NID2: variants seen among roughly 807,000 people sequenced by gnomAD.
NID2 encodes the protein nidogen 2, also known as nidogen-2.
A neutral mutation model predicts 145.4 loss-of-function variants in NID2; 83 were observed. The observed-to-expected ratio is 0.57, with a 90% CI of 0.48 to 0.69. The LOEUF (loss-of-function observed/expected upper bound fraction) is 0.69, where lower values mean the gene tolerates loss of function less well. Ranked by LOEUF, NID2 falls within the 30% of genes least tolerant of loss-of-function variation. The pLI is 0.00. For synonymous variants in NID2, 739 were observed against 701.3 expected (o/e 1.05, Z -0.85); for missense variants, 1,807 against 1,765.7 (o/e 1.02, Z -0.42).
In NID2 at chr14:52,005,441, C is replaced by T; in HGVS notation, c.*45G>A. 1 of 1,545,208 alleles carries T rather than the reference C, an allele frequency of 6.5e-7. No individual in the cohort carries two copies. The highest frequency in any genetic ancestry group is 1.3e-5 in the South Asian group (1 of 77,174). ...TTTGCAGTCACTGTTCTTTAGGGTC[C>T]AGGTTCTGATTGTAAACTCCAAGTC... On this transcript the variant is annotated 3_prime_UTR_variant, in exon 22 of 22. Coordinates refer to ENST00000216286, the MANE Select transcript of NID2 (RefSeq NM_007361.4).
intron 14 of NID2, among the ~76,000 whole-genome samples, chr14:52,016,775 C>T (rs190534972): frequency 2.0e-5 from 3 of 152,308 alleles, no homozygotes; most frequent in Admixed American, 6.5e-5. Context: ...CATGTCACTC[C>T]GTTCAAAACC....
At chr14:52,034,439 CT>C (rs1211739934) in intron 9 of NID2, among the ~76,000 whole-genome samples, 2 of 152,216 alleles carry the variant, frequency 1.3e-5, no homozygotes, top group Non-Finnish European at 2.9e-5. Flanking sequence ...CTACAGCAAT[CT>C]TTCCCTTTCT....
intron 12 of NID2, among the ~76,000 whole-genome samples, chr14:52,026,027 G>A (rs932461983): frequency 1.3e-5 from 2 of 152,228 alleles, no homozygotes; most frequent in African/African-American, 4.8e-5. Context: ...CAAGTGGAAA[G>A]AGTAAGAATG....
At chr14:52,034,792 G>A (rs1227216864) in intron 9 of NID2, among the ~76,000 whole-genome samples, 1 of 152,162 alleles carries the variant, frequency 6.6e-6, no homozygotes, top group Non-Finnish European at 1.5e-5. Context: ...TGGCTGAATT[G>A]AGGAAGATGG....
chr14:52,028,186 T>C (rs1361949034), intron 11 of NID2, among the ~76,000 whole-genome samples: 2 of 152,090 alleles, frequency 1.3e-5, no homozygotes, highest in African/African-American at 4.8e-5. Context: ...CATCCTTCAA[T>C]AACTCAACAC....
At chr14:52,059,376 A>G (rs1042187706) in intron 3 of NID2, among the ~76,000 whole-genome samples, 4 of 152,200 alleles carry the variant, frequency 2.6e-5, no homozygotes, top group Non-Finnish European at 4.4e-5. Context: ...CCAGGAAGTA[A>G]CCAATGTATT....
At chr14:52,059,930 A>C (rs1369509286) in intron 3 of NID2, among the ~76,000 whole-genome samples, 194 bp downstream of exon 3, 2 of 152,234 alleles carry the variant, frequency 1.3e-5, no homozygotes, top group Non-Finnish European at 2.9e-5. Context: ...ATAGAGCAGG[A>C]AAAATAAAGG....
At chr14:52,018,364 A>G (rs777047144) in intron 14 of NID2, among the ~76,000 whole-genome samples, 1 of 152,210 alleles carries the variant, frequency 6.6e-6, no homozygotes, top group African/African-American at 2.4e-5. Context: ...TGAATAATTC[A>G]ACAAGGAACA....
chr14:52,024,738 A>G (rs924763574), intron 12 of NID2, among the ~76,000 whole-genome samples: 2 of 152,206 alleles, frequency 1.3e-5, no homozygotes, highest in African/African-American at 4.8e-5. Flanking sequence ...AAAGCAGAGA[A>G]CCAGAAATAA....
chr14:52,016,303 G>C (rs1891212623), intron 14 of NID2, among the ~76,000 whole-genome samples: 1 of 152,154 alleles, frequency 6.6e-6, no homozygotes, highest in South Asian at 2.1e-4. Context: ...TTTAATTCCT[G>C]CAACTTAAAG....
intron 5 of NID2, among the ~76,000 whole-genome samples, chr14:52,050,729 T>C (rs1892652969): frequency 6.6e-6 from 1 of 152,124 alleles, no homozygotes. Flanking sequence ...CACCTCAGTC[T>C]CCCGAGTAGC....
intron 5 of NID2, among the ~76,000 whole-genome samples, chr14:52,044,492 G>A (rs567702452): frequency 1.3e-5 from 2 of 152,148 alleles, no homozygotes; most frequent in Admixed American, 6.5e-5. Flanking sequence ...GGATGGTCCT[G>A]ATCTCCTGAC....
intron 15 of NID2, 87 bp downstream of exon 15, chr14:52,014,967 A>G (rs1318962380): frequency 5.5e-6 from 6 of 1,084,750 alleles, no homozygotes; most frequent in Non-Finnish European, 8.2e-6. Flanking sequence ...GTGACCCCAC[A>G]TGTCCCCCCA....
chr14:52,066,436 T>A (rs563378025), intron 2 of NID2, among the ~76,000 whole-genome samples: 1 of 152,250 alleles, frequency 6.6e-6, no homozygotes, highest in Non-Finnish European at 1.5e-5. Context: ...TGTACATTTT[T>A]AAATAACTAA....
chr14:52,046,340 A>G (rs151080031), intron 5 of NID2, among the ~76,000 whole-genome samples: 6 of 26,690 alleles, frequency 2.2e-4, no homozygotes, highest in Non-Finnish European at 2.6e-4. Context: ...AAAAAAAAAA[A>G]AAGCCGTTTT....
chr14:52,038,129 T>G (rs1214417047), intron 9 of NID2, among the ~76,000 whole-genome samples: 3 of 152,194 alleles, frequency 2.0e-5, no homozygotes, highest in African/African-American at 7.2e-5. Context: ...ATTCTAGTAC[T>G]GAATTGAATA....
intron 9 of NID2, among the ~76,000 whole-genome samples, chr14:52,030,616 A>C (rs149934037): frequency 1.1e-5 from 1 of 91,282 alleles, no homozygotes; most frequent in Non-Finnish European, 2.2e-5. Context: ...GAGAAAGAAA[A>C]AGAAAGAAAG....
intron 9 of NID2, among the ~76,000 whole-genome samples, chr14:52,032,073 G>A (rs1481513173): frequency 6.6e-6 from 1 of 152,184 alleles, no homozygotes; most frequent in Non-Finnish European, 1.5e-5. Context: ...TACTGCCCAC[G>A]TTATGGCTCT....
intron 8 of NID2, among the ~76,000 whole-genome samples, chr14:52,039,756 C>T (rs1255119641): frequency 2.0e-5 from 3 of 152,174 alleles, no homozygotes; most frequent in East Asian, 1.9e-4. Context: ...CATCACGCTT[C>T]GCACACATTG....
Sources: gnomAD v4.1 joint callset for allele counts (sites outside exome capture counted in the v4.1 genomes callset) on GRCh38, gnomAD v4.1.1 for gene constraint, MANE v1.5 for transcripts, NCBI Gene and HGNC (gene_info 2026-07-23, HGNC 2026-07-21) for gene names.